The following IFT88 variants were observed in gnomAD, a reference collection of about 807,000 sequenced individuals.
The protein encoded by IFT88 is intraflagellar transport protein 88 homolog.
In IFT88, 74 loss-of-function variants were observed where a neutral mutation model predicts 119.5. That is an observed-to-expected ratio of 0.62 (90% CI 0.51 to 0.75). The LOEUF (loss-of-function observed/expected upper bound fraction) is 0.75, where lower values mean the gene tolerates loss of function less well. Ranked by LOEUF, IFT88 falls within the 30% of genes least tolerant of loss-of-function variation. The pLI, the probability that IFT88 is intolerant of heterozygous loss-of-function variation, is 0.00. For missense variants in IFT88, 961 were observed against 977.7 expected, an observed-to-expected ratio of 0.98 and a Z score of 0.23; for synonymous variants, 279 against 316.7, an observed-to-expected ratio of 0.88 and a Z score of 1.26.
chr13:20,632,421 C>T (rs2048340291), intron 16 of IFT88, among the ~76,000 whole-genome samples: 1 of 152,146 alleles, frequency 6.6e-6, no homozygotes. Flanking sequence ...CACCATCTAC[C>T]AGGGTGGTAA....
chr13:20,602,231 CAGAG>C (rs762214562), intron 12 of IFT88, among the ~76,000 whole-genome samples: 306 of 71,192 alleles, frequency 4.3e-3, no homozygotes, highest in Non-Finnish European at 5.5e-3. Flanking sequence ...TTTTTTGAGA[CAGAG>C]AGCCTGCCTT....
In IFT88 at chr13:20,657,762, AAAATAAATAAATAAAT is replaced by A. The variant is rs532121643; in HGVS notation, c.2068+1353_2068+1368del. Among the ~76,000 whole-genome samples the A allele has an allele frequency of 9.9e-5, 15 of 151,152 alleles. No individual in the cohort carries two copies. In the South Asian group the frequency reaches 2.7e-3, roughly 27 times the overall value. On this transcript the variant is annotated intron_variant, in intron 22 of 25. Coordinates refer to ENST00000351808, the MANE Select transcript of IFT88 (RefSeq NM_006531.5). Reference sequence around the variant, plus strand: ...GGCCAATAGAGCGAGATTCTGTCTCAAAATAAATAAATAAATAAATAAATAAATAAATAAATTTGTT... The same window carrying A: ...GGCCAATAGAGCGAGATTCTGTCTCAAAATAAATAAATAAATAAATTTGTT...
At chr13:20,588,665 G>A (rs2138585175) in intron 3 of IFT88, among the ~76,000 whole-genome samples, 1 of 152,220 alleles carries the variant, frequency 6.6e-6, no homozygotes, top group South Asian at 2.1e-4. Context: ...TTATCAGAAA[G>A]GGCAGATATA....
chr13:20,577,302 T>TA (rs2037572440), intron 2 of IFT88, among the ~76,000 whole-genome samples: 1 of 152,130 alleles, frequency 6.6e-6, no homozygotes, highest in Admixed American at 6.5e-5. Context: ...ATATCATCTA[T>TA]AAACTAGGGT....
intron 2 of IFT88, among the ~76,000 whole-genome samples, chr13:20,581,072 G>A (rs1402008957): frequency 1.3e-5 from 2 of 152,206 alleles, no homozygotes; most frequent in East Asian, 1.9e-4. Context: ...ACCTCCTCAG[G>A]TTGTTGCACT....
At position 20,687,030 on chromosome 13, in the gene IFT88, A is replaced by C. The variant is rs1269151419; in HGVS notation, c.2243-3675A>C. 2.6e-4 allele frequency among the ~76,000 whole-genome samples: 39 copies of C among 150,744 alleles called. 1 individual carries two copies. The highest frequency in any genetic ancestry group is 9.0e-4 in the African/African-American group (37 of 41,086). On this transcript the variant is annotated intron_variant, in intron 24 of 25. Coordinates refer to ENST00000351808, the MANE Select transcript of IFT88 (RefSeq NM_006531.5). ...AAAAGTCACTTTCTTACCAAAAAAA[A>C]AAAAAAAAAAAAAAAAAAACCTCAT...
chr13:20,663,303 T>G, intron 22 of IFT88, 195 bp from the exon 23 acceptor site: 1 of 1,499,248 alleles, frequency 6.7e-7, no homozygotes, highest in South Asian at 1.2e-5. Context: ...AGAGAGACCC[T>G]TTAAACCTCC....
intron 13 of IFT88, chr13:20,607,486 G>T: frequency 1.5e-6 from 1 of 679,038 alleles, no homozygotes; most frequent in Non-Finnish European, 2.7e-6. Flanking sequence ...TGATGGCCAC[G>T]GTCACCAAGT....
intron 14 of IFT88, among the ~76,000 whole-genome samples, chr13:20,618,479 G>A (rs9805425): frequency 2.6e-5 from 4 of 152,160 alleles, no homozygotes; most frequent in Non-Finnish European, 4.4e-5. Context: ...CACAGGCTGC[G>A]TGGTAGACTA....
chr13:20,663,258 T>A, intron 22 of IFT88: 1 of 1,452,686 alleles, frequency 6.9e-7, no homozygotes, highest in Non-Finnish European at 9.1e-7. Flanking sequence ...CCATGTTCCT[T>A]CTAGGTTCTG....
At chr13:20,636,931 G>A (rs906241152) in intron 16 of IFT88, among the ~76,000 whole-genome samples, 2 of 152,310 alleles carry the variant, frequency 1.3e-5, no homozygotes, top group South Asian at 2.1e-4. Flanking sequence ...ATGAAATGTG[G>A]TCTACCCATA....
chr13:20,626,818 C>A (rs555149298), intron 15 of IFT88, among the ~76,000 whole-genome samples: 2 of 152,282 alleles, frequency 1.3e-5, no homozygotes, highest in African/African-American at 4.8e-5. Flanking sequence ...ATGTCCTAGT[C>A]TGTAACACCA....
At chr13:20,633,072 C>T (rs2048449451) in intron 16 of IFT88, among the ~76,000 whole-genome samples, 1 of 152,056 alleles carries the variant, frequency 6.6e-6, no homozygotes, top group Non-Finnish European at 1.5e-5. Flanking sequence ...GAGGAGGGTG[C>T]TGATTGGGGG....
intron 16 of IFT88, among the ~76,000 whole-genome samples, chr13:20,633,261 A>G (rs1277109799): frequency 6.6e-6 from 1 of 152,184 alleles, no homozygotes; most frequent in Non-Finnish European, 1.5e-5. Flanking sequence ...GGGAAACCTC[A>G]GGAAACTTAT....
chr13:20,634,368 C>T (rs1471417492), intron 16 of IFT88, among the ~76,000 whole-genome samples: 1 of 152,034 alleles, frequency 6.6e-6, no homozygotes, highest in Non-Finnish European at 1.5e-5. Context: ...TCCACCACAG[C>T]ATCAGGCTCA....
At chr13:20,688,564 A>G (rs2058186455) in intron 24 of IFT88, among the ~76,000 whole-genome samples, 1 of 152,236 alleles carries the variant, frequency 6.6e-6, no homozygotes, top group African/African-American at 2.4e-5. Context: ...AGGTGCCTAC[A>G]AGAAATAAAC....
intron 20 of IFT88, among the ~76,000 whole-genome samples, chr13:20,646,413 C>A (rs912431982): frequency 6.6e-6 from 1 of 151,972 alleles, no homozygotes; most frequent in Non-Finnish European, 1.5e-5. Context: ...AGCGATTCTC[C>A]TGCCTCAGCC....
intron 22 of IFT88, among the ~76,000 whole-genome samples, chr13:20,662,487 A>G (rs1016173094): frequency 3.9e-5 from 6 of 152,204 alleles, no homozygotes; most frequent in Non-Finnish European, 7.3e-5. Flanking sequence ...AAAGCCACAC[A>G]GAGACACAAC....
At chr13:20,647,043 G>GT (rs1452277231) in intron 20 of IFT88, among the ~76,000 whole-genome samples, 1 of 152,086 alleles carries the variant, frequency 6.6e-6, no homozygotes, top group Non-Finnish European at 1.5e-5. Flanking sequence ...TCAGTCTTAA[G>GT]TATTTCTCTC....
Sources: gnomAD v4.1 joint callset for allele counts (sites outside exome capture counted in the v4.1 genomes callset) on GRCh38, gnomAD v4.1.1 for gene constraint, MANE v1.5 for transcripts, NCBI Gene and HGNC (gene_info 2026-07-23, HGNC 2026-07-21) for gene names.